PEX3: variants seen among roughly 807,000 people sequenced by gnomAD.
PEX3 encodes peroxisomal biogenesis factor 3.
Under a neutral mutation model 55.8 loss-of-function variants are expected in PEX3, and 30 were observed. The observed-to-expected ratio is 0.54, with a 90% confidence interval of 0.40 to 0.73. The LOEUF (loss-of-function observed/expected upper bound fraction) is 0.73, where lower values mean the gene tolerates loss of function less well. PEX3 is among the 30% of genes least tolerant of loss of function. The probability of loss-of-function intolerance (pLI) is 0.00; values close to 1 mark genes in which losing one functional copy is unlikely to be tolerated. For synonymous variants in PEX3, 135 were observed against 148.4 expected, an observed-to-expected ratio of 0.91 and a Z score of 0.66; for missense variants, 351 against 432.8, an observed-to-expected ratio of 0.81 and a Z score of 1.68.
At position 143,450,943 on chromosome 6, in the gene PEX3, C is replaced by T; in HGVS notation, c.-100C>T. ...TTCGGGAGAGCACAGAACGGGACGA[C>T]GGCGCTCTTGCTGGGTCATCTGGGC... On this transcript the variant is annotated 5_prime_UTR_variant, in exon 1 of 12. It adds an upstream start codon to the 5' untranslated region. Transcript: ENST00000367591. 2.2e-6 allele frequency: 2 copies of T among 920,062 alleles called. No individual in the cohort carries two copies. The highest frequency in any genetic ancestry group is 2.4e-5 in the East Asian group (1 of 41,836). 57.0% of individuals were successfully genotyped at this position (920,062 alleles called of 1,614,324 possible).
Position 143,483,440 on chromosome 6 carries a change from A to T in PEX3, c.942-1712A>T, listed in dbSNP as rs1562658235. On this transcript the variant is annotated intron_variant, in intron 10 of 11. Coordinates refer to ENST00000367591, the MANE Select transcript of PEX3 (RefSeq NM_003630.3). The surrounding 1 kb of genome is among the most constrained non-coding windows in gnomAD (Gnocchi z 4.3). The stretch of plus-strand genomic sequence containing the variant: ...AAGCTATTAAATATGACCCTAGACT[A>T]CAGTGGGACAGTTGACATTCTGGGC... 6.6e-6 allele frequency among the ~76,000 whole-genome samples: 1 copy of T among 152,194 alleles called. No homozygotes were observed. Among genetic ancestry groups the T allele is most frequent in the Non-Finnish European group, 1.5e-5 (1 of 68,022 alleles).
rs1198449261 is a variant in PEX3, at chr6:143,483,485, T to C, written c.942-1667T>C. The stretch of plus-strand genomic sequence containing the variant: ...CTGGGCAGAAGCTACAGGGCAAAGG[T>C]TTTGAAGCCACCTAAGTACATTTTA... On this transcript the variant is annotated intron_variant, in intron 10 of 11. Transcript: ENST00000367591. The surrounding 1 kb of genome is among the most constrained non-coding windows in gnomAD (Gnocchi z 4.3). Among the ~76,000 whole-genome samples the C allele has an allele frequency of 6.6e-6, 1 of 151,974 alleles. No individual in the cohort carries two copies. Among genetic ancestry groups the C allele is most frequent in the African/African-American group, 2.4e-5 (1 of 41,374 alleles).
chr6:143,476,432 G>A lies in PEX3; in HGVS notation c.818+1576G>A, dbSNP rs1274445802. 3.3e-5 allele frequency among the ~76,000 whole-genome samples: 5 copies of A among 152,296 alleles called. No homozygotes were observed. In the East Asian group the frequency reaches 7.7e-4, roughly 24 times the overall value. On this transcript the variant is annotated intron_variant, in intron 9 of 11. Transcript: ENST00000367591. This position sits in a 1 kb window ranked among gnomAD's most constrained non-coding sequence, Gnocchi z 5.4. ...TAAGCAGGGCAGTGACATCATCTGT[G>A]TTTATAAAAGATCTCATTGCTCTAT...
At position 143,453,551 on chromosome 6, in the gene PEX3, G is replaced by C. The variant is rs762199006; in HGVS notation, c.73+2436G>C. On this transcript the variant is annotated intron_variant, in intron 1 of 11. Transcript: ENST00000367591. The surrounding 1 kb of genome is among the most constrained non-coding windows in gnomAD (Gnocchi z 4.6). ...GGATCTTGCTCTGTTACCCACGCTA[G>C]AATACAATGGTGTGATCGTAGCTCA... is the stretch of plus-strand genomic sequence containing the variant. 6.6e-6 allele frequency among the ~76,000 whole-genome samples: 1 copy of C among 152,020 alleles called. No individual in the cohort carries two copies. Among genetic ancestry groups the C allele is most frequent in the African/African-American group, 2.4e-5 (1 of 41,388 alleles).
Position 143,485,099 on chromosome 6 carries a change from A to T in PEX3, c.942-53A>T. 1.0e-6 allele frequency: 1 copy of T among 956,884 alleles called. No individual in the cohort carries two copies. The highest frequency in any genetic ancestry group is 1.7e-6 in the Non-Finnish European group (1 of 580,858). 59.3% of individuals were successfully genotyped at this position (956,884 alleles called of 1,614,324 possible). The stretch of plus-strand genomic sequence containing the variant: ...GTATTACTTTTATAATTAAGATGTT[A>T]AAGTCCTGTGGGGTCATTTCAGAAA... On this transcript the variant is annotated intron_variant, in intron 10 of 11. Coordinates refer to ENST00000367591, the MANE Select transcript of PEX3 (RefSeq NM_003630.3). This position sits in a 1 kb window ranked among gnomAD's most constrained non-coding sequence, Gnocchi z 5.6.
In PEX3 at chr6:143,450,831, C is replaced by T. The variant is rs758869240; in HGVS notation, c.-212C>T. ...GTGAGCGGCGGCGGCTGCGCGGCGGCAGCGGCAGAAAGCGTAGCTGCTTTG... is the reference window on the plus strand; with the variant it reads ...GTGAGCGGCGGCGGCTGCGCGGCGGTAGCGGCAGAAAGCGTAGCTGCTTTG... On this transcript the variant is annotated 5_prime_UTR_variant, in exon 1 of 12. Transcript: ENST00000367591. 1 of 770,094 alleles carries T rather than the reference C, an allele frequency of 1.3e-6. No homozygotes were observed. The highest frequency in any genetic ancestry group is 2.2e-6 in the Non-Finnish European group (1 of 462,850). The allele number at this position is 770,094 out of a possible 1,614,324, so 47.7% of individuals were successfully genotyped here. A position where few individuals can be genotyped will look rare whatever the true frequency, so the allele number is the denominator to read the frequency against.
Position 143,463,750 on chromosome 6 carries a change from C to T in PEX3, c.287+753C>T, listed in dbSNP as rs1225651717. On this transcript the variant is annotated intron_variant, in intron 3 of 11. Transcript: ENST00000367591. The surrounding 1 kb of genome is among the most constrained non-coding windows in gnomAD (Gnocchi z 5.7). ...TCAAATAGCCAGGGGAAAAGTAGTT[C>T]TATTTCTAAACTGTCTCACTGTGCT... Among the ~76,000 whole-genome samples, 3 of 152,136 alleles carry T rather than the reference C, an allele frequency of 2.0e-5. No homozygotes were observed. The highest frequency in any genetic ancestry group is 2.1e-4 in the South Asian group (1 of 4,834).
rs1780306854 is a variant in PEX3 at position 143,485,521 on chromosome 6, ATAG to A, written c.1038+274_1038+276del. On this transcript the variant is annotated intron_variant, in intron 11 of 11. Coordinates refer to ENST00000367591, the MANE Select transcript of PEX3 (RefSeq NM_003630.3). The surrounding 1 kb of genome is among the most constrained non-coding windows in gnomAD (Gnocchi z 5.6). ...TATTATAGTGGTCAGTTGAATTTAT[ATAG>A]CATGAATGTTTGCATTAAGCTGTGC... 2.6e-5 allele frequency among the ~76,000 whole-genome samples: 4 copies of A among 152,066 alleles called. No homozygotes were observed. Among genetic ancestry groups the A allele is most frequent in the Admixed American group, 2.6e-4 (4 of 15,250 alleles).
At chr6:143,469,847 T>G (rs1427628395) in intron 4 of PEX3, among the ~76,000 whole-genome samples, 1 of 152,190 alleles carries the variant, frequency 6.6e-6, no homozygotes, top group Non-Finnish European at 1.5e-5. Flanking sequence ...TTGAATTAAT[T>G]TTTGTATAAG....
rs12209378 is a variant in PEX3, at chr6:143,465,397, A to G, written c.287+2400A>G. 1.3e-5 allele frequency among the ~76,000 whole-genome samples: 2 copies of G among 151,946 alleles called. No homozygotes were observed. Among genetic ancestry groups the G allele is most frequent in the Admixed American group, 1.3e-4 (2 of 15,248 alleles). On this transcript the variant is annotated intron_variant, in intron 3 of 11. Coordinates refer to ENST00000367591, the MANE Select transcript of PEX3 (RefSeq NM_003630.3). The surrounding 1 kb of genome is among the most constrained non-coding windows in gnomAD (Gnocchi z 4.7). ...ATTACTGTCTTCTCCCACCAAAATC[A>G]TCCCAAATAAAATACAGTTTTTTGT...
Position 143,450,988 on chromosome 6 carries a change from T to TA in PEX3, c.-55_-54insA. ...CTGGGCCAGGTGACGAAGAAACAGT[T>TA]TCCTGGTGAAGCAGTCCCTCACCCC... is the stretch of plus-strand genomic sequence containing the variant. On this transcript the variant is annotated 5_prime_UTR_variant, in exon 1 of 12. Coordinates refer to ENST00000367591, the MANE Select transcript of PEX3 (RefSeq NM_003630.3). The TA allele has an allele frequency of 7.8e-7, 1 of 1,288,788 alleles. No individual in the cohort carries two copies. The highest frequency in any genetic ancestry group is 1.1e-6 in the Non-Finnish European group (1 of 882,624). The allele number at this position is 1,288,788 out of a possible 1,614,324, so 79.8% of individuals were successfully genotyped here.
chr6:143,451,153 AG>A lies in PEX3; in HGVS notation c.73+43del, dbSNP rs1472482400. 7 of 1,316,536 alleles carry A rather than the reference AG, an allele frequency of 5.3e-6. No individual in the cohort carries two copies. The East Asian group carries it at 9.2e-5, about 17-fold the overall frequency. 81.6% of individuals were successfully genotyped at this position (1,316,536 alleles called of 1,614,324 possible). The stretch of plus-strand genomic sequence containing the variant: ...GTGCTTGAAAGGGGGCATTGGGAGA[AG>A]GGGGTGGGAGAGGTGACTTCTTCTA... On this transcript the variant is annotated intron_variant, in intron 1 of 11. Transcript: ENST00000367591. This position sits in a 1 kb window ranked among gnomAD's most constrained non-coding sequence, Gnocchi z 4.1.
chr6:143,457,893 G>T (rs1779868240), intron 1 of PEX3, among the ~76,000 whole-genome samples: 1 of 152,184 alleles, frequency 6.6e-6, no homozygotes, highest in African/African-American at 2.4e-5. Flanking sequence ...TGGCTACCTG[G>T]TTAACTCAGT....
In PEX3 at chr6:143,453,884, G is replaced by T. The variant is rs1737263556; in HGVS notation, c.73+2769G>T. Reference sequence around the variant, plus strand: ...TGAGCCACTGAGCCTGGCATAATTTGACCAGTTTGTGAAAAGACTAGAGAA... The same window carrying T: ...TGAGCCACTGAGCCTGGCATAATTTTACCAGTTTGTGAAAAGACTAGAGAA... On this transcript the variant is annotated intron_variant, in intron 1 of 11. Coordinates refer to ENST00000367591, the MANE Select transcript of PEX3 (RefSeq NM_003630.3). This position sits in a 1 kb window ranked among gnomAD's most constrained non-coding sequence, Gnocchi z 4.6. 6.6e-6 allele frequency among the ~76,000 whole-genome samples: 1 copy of T among 152,118 alleles called. No individual in the cohort carries two copies. The highest frequency in any genetic ancestry group is 2.4e-5 in the African/African-American group (1 of 41,428).
At position 143,476,515 on chromosome 6, in the gene PEX3, A is replaced by G. The variant is rs1780156103; in HGVS notation, c.818+1659A>G. On this transcript the variant is annotated intron_variant, in intron 9 of 11. Coordinates refer to ENST00000367591, the MANE Select transcript of PEX3 (RefSeq NM_003630.3). The surrounding 1 kb of genome is among the most constrained non-coding windows in gnomAD (Gnocchi z 5.4). Reference sequence around the variant, plus strand: ...GGAGGGAACCAATTTCAAGAGTTGAAGTAGTCTAATCAAGAGACAGTTGCA... The same window carrying G: ...GGAGGGAACCAATTTCAAGAGTTGAGGTAGTCTAATCAAGAGACAGTTGCA... Among the ~76,000 whole-genome samples the G allele has an allele frequency of 6.6e-6, 1 of 152,238 alleles. No homozygotes were observed. The highest frequency in any genetic ancestry group is 1.5e-5 in the Non-Finnish European group (1 of 68,038).
At position 143,463,730 on chromosome 6, in the gene PEX3, TAGCC is replaced by T. The variant is rs1267255667; in HGVS notation, c.287+736_287+739del. Reference sequence around the variant, plus strand: ...CACTTGCCTTTAATCACCCTTCAAATAGCCAGGGGAAAAGTAGTTCTATTTCTAA... The same window carrying T: ...CACTTGCCTTTAATCACCCTTCAAATAGGGGAAAAGTAGTTCTATTTCTAA... On this transcript the variant is annotated intron_variant, in intron 3 of 11. Coordinates refer to ENST00000367591, the MANE Select transcript of PEX3 (RefSeq NM_003630.3). This position sits in a 1 kb window ranked among gnomAD's most constrained non-coding sequence, Gnocchi z 5.7. Among the ~76,000 whole-genome samples, 5 of 152,152 alleles carry T rather than the reference TAGCC, an allele frequency of 3.3e-5. No individual in the cohort carries two copies. Among genetic ancestry groups the T allele is most frequent in the African/African-American group, 9.7e-5 (4 of 41,442 alleles).
rs3059751 is a variant in PEX3, at chr6:143,454,038, TATTA to T, written c.73+2927_73+2930del. 0.23 allele frequency among the ~76,000 whole-genome samples: 35,650 copies of T among 151,870 alleles called. 4,316 individuals are homozygous for T. The highest frequency in any genetic ancestry group is 0.28 in the African/African-American group (11,475 of 41,438). ...AAAATTAAAATGAAATTTTTTAAAA[TATTA>T]ATTCATTTTAAAATAATAAACCTAT... On this transcript the variant is annotated intron_variant, in intron 1 of 11. Coordinates refer to ENST00000367591, the MANE Select transcript of PEX3 (RefSeq NM_003630.3). This position sits in a 1 kb window ranked among gnomAD's most constrained non-coding sequence, Gnocchi z 4.3.
chr6:143,470,052 C>T (rs998978474), intron 4 of PEX3, among the ~76,000 whole-genome samples: 4 of 152,030 alleles, frequency 2.6e-5, no homozygotes, highest in Admixed American at 2.6e-4. Context: ...TGGGTTCAAG[C>T]GATTCTCTTG....
intron 7 of PEX3, 82 bp from the exon 8 acceptor site, chr6:143,472,078 T>G: frequency 5.4e-6 from 5 of 927,560 alleles, no homozygotes; most frequent in Non-Finnish European, 8.7e-6. Flanking sequence ...GGATTTTAGA[T>G]AGTAGCCTGT....
Sources: allele counts gnomAD v4.1 joint callset (sites outside exome capture counted in the v4.1 genomes callset), GRCh38; gene constraint gnomAD v4.1.1; non-coding constraint Gnocchi (gnomAD v3.1); transcripts MANE v1.5; gene names NCBI Gene and HGNC (gene_info 2026-07-23, HGNC 2026-07-21).